Variants in KCNH7 observed in about 807,000 individuals in gnomAD.
The protein encoded by KCNH7 is voltage-gated inwardly rectifying potassium channel KCNH7.
Under a neutral mutation model 120.8 loss-of-function variants are expected in KCNH7, and 49 were observed. The observed-to-expected ratio is 0.41, with a 90% confidence interval of 0.32 to 0.51. The LOEUF (loss-of-function observed/expected upper bound fraction) is 0.51. Ranked by LOEUF, KCNH7 falls within the 20% of genes least tolerant of loss-of-function variation. The pLI is 0.38. For synonymous variants in KCNH7, 547 were observed against 516.1 expected (o/e 1.06, Z -0.81); for missense variants, 1,097 against 1,446.6 (o/e 0.76, Z 3.92).
chr2:162,461,461 A>T (rs1342931532), intron 6 of KCNH7, among the ~76,000 whole-genome samples: 1 of 152,232 alleles, frequency 6.6e-6, no homozygotes, highest in African/African-American at 2.4e-5. Context: ...TACTATCATA[A>T]TAATACATTT....
At chr2:162,785,249 T>C (rs1332863941) in intron 2 of KCNH7, 4 of 152,250 alleles carry the variant, frequency 2.6e-5, no homozygotes. Flanking sequence ...AAATATTAGC[T>C]TGTCATCAAA....
chr2:162,384,644 A>G, intron 13 of KCNH7, 44 bp downstream of exon 13: 1 of 1,582,660 alleles, frequency 6.3e-7, no homozygotes, highest in South Asian at 1.1e-5. Context: ...CCATTTTGTG[A>G]TTAGCACTGA....
intron 2 of KCNH7, among the ~76,000 whole-genome samples, chr2:162,601,188 T>C (rs979568174): frequency 6.6e-5 from 10 of 152,032 alleles, no homozygotes; most frequent in African/African-American, 2.4e-4. Flanking sequence ...ATGCTCCAGT[T>C]TATGAAAGTC....
At chr2:162,376,613 C>G (rs796582994) in intron 14 of KCNH7, among the ~76,000 whole-genome samples, 1 of 152,044 alleles carries the variant, frequency 6.6e-6, no homozygotes. Context: ...CTACCTGCCT[C>G]GGCCTTTCAA....
At chr2:162,659,737 T>G (rs931915435) in intron 2 of KCNH7, among the ~76,000 whole-genome samples, 2 of 152,196 alleles carry the variant, frequency 1.3e-5, no homozygotes, top group Non-Finnish European at 1.5e-5. Context: ...AAGATATTGG[T>G]CTCTAGTTTT....
intron 2 of KCNH7, among the ~76,000 whole-genome samples, chr2:162,726,770 C>G (rs1291716448): frequency 6.6e-6 from 1 of 152,078 alleles, no homozygotes; most frequent in Admixed American, 6.6e-5. Flanking sequence ...GTGTGGAAGG[C>G]TTTTCAATTG....
intron 2 of KCNH7, among the ~76,000 whole-genome samples, chr2:162,626,008 G>A (rs193004592): frequency 6.6e-6 from 1 of 152,232 alleles, no homozygotes; most frequent in East Asian, 1.9e-4. Flanking sequence ...GGACTTAGGG[G>A]CAGCTAGTTA....
At chr2:162,668,806 T>C (rs1685239453) in intron 2 of KCNH7, among the ~76,000 whole-genome samples, 1 of 152,186 alleles carries the variant, frequency 6.6e-6, no homozygotes, top group Admixed American at 6.5e-5. Flanking sequence ...GAGACAACTA[T>C]AATTATTTTG....
At chr2:162,739,532 G>C (rs568392349) in intron 2 of KCNH7, among the ~76,000 whole-genome samples, 32 of 152,226 alleles carry the variant, frequency 2.1e-4, no homozygotes, top group Admixed American at 2.1e-3. Context: ...CTGAGCTGTT[G>C]CTGGCCTCTG....
intron 8 of KCNH7, among the ~76,000 whole-genome samples, chr2:162,431,286 T>G (rs1688057614): frequency 1.3e-5 from 2 of 152,030 alleles, no homozygotes; most frequent in South Asian, 2.1e-4. Flanking sequence ...ATAACCACAA[T>G]AGTTGTAATT....
intron 14 of KCNH7, among the ~76,000 whole-genome samples, chr2:162,377,680 TA>T (rs1686256265): frequency 6.6e-6 from 1 of 152,146 alleles, no homozygotes; most frequent in Non-Finnish European, 1.5e-5. Flanking sequence ...TTATCAGGCA[TA>T]CATCCCTCTC....
In KCNH7 at chr2:162,385,001, T is replaced by C. The variant is rs951159106; in HGVS notation, c.2711-62A>G. 1.3e-5 allele frequency: 17 copies of C among 1,325,076 alleles called. No individual in the cohort carries two copies. The African/African-American group carries it at 1.8e-4, about 14-fold the overall frequency. 82.1% of individuals were successfully genotyped at this position (1,325,076 alleles called of 1,614,324 possible). A position where few individuals can be genotyped will look rare whatever the true frequency, so the allele number is the denominator to read the frequency against. On this transcript the variant is annotated intron_variant, in intron 12 of 15. Coordinates refer to ENST00000332142, the MANE Select transcript of KCNH7 (RefSeq NM_033272.4). ...GCAGACAATTAAATGTGAGACGGTA[T>C]GCATATTACACTACCTAGCTATATA...
intron 3 of KCNH7, among the ~76,000 whole-genome samples, chr2:162,523,897 G>T (rs2105798268): frequency 6.6e-6 from 1 of 151,878 alleles, no homozygotes; most frequent in Non-Finnish European, 1.5e-5. Flanking sequence ...ATTCCTGCTT[G>T]GTTCTGCTAG....
chr2:162,561,053 T>G (rs1248149778), intron 2 of KCNH7, among the ~76,000 whole-genome samples: 1 of 22,106 alleles, frequency 4.5e-5, no homozygotes, highest in Non-Finnish European at 6.6e-5. Flanking sequence ...TGAAATAACC[T>G]TTTTTTTTTT....
At chr2:162,430,417 C>T (rs1477096658) in intron 8 of KCNH7, among the ~76,000 whole-genome samples, 1 of 152,080 alleles carries the variant, frequency 6.6e-6, no homozygotes, top group African/African-American at 2.4e-5. Context: ...AACTACATCT[C>T]CTGTTGCCTG....
chr2:162,611,529 G>A (rs7558614), intron 2 of KCNH7, among the ~76,000 whole-genome samples: 80,255 of 151,962 alleles, frequency 0.53, 21,571 homozygotes, highest in Middle Eastern at 0.62. Context: ...TACACAGAGT[G>A]AACATTACTT....
chr2:162,496,880 T>A (rs181606505), intron 6 of KCNH7: 1 of 152,324 alleles, frequency 6.6e-6, no homozygotes, highest in East Asian at 1.9e-4. Context: ...AATTCAGGAC[T>A]AAATTTATCC....
At chr2:162,768,025 T>G (rs1177947397) in intron 2 of KCNH7, among the ~76,000 whole-genome samples, 1 of 152,154 alleles carries the variant, frequency 6.6e-6, no homozygotes, top group Non-Finnish European at 1.5e-5. Flanking sequence ...AAGAAAATAT[T>G]TAAGAGAAAT....
chr2:162,424,987 C>T (rs1314177564), intron 8 of KCNH7, among the ~76,000 whole-genome samples: 1 of 152,120 alleles, frequency 6.6e-6, no homozygotes, highest in Non-Finnish European at 1.5e-5. Flanking sequence ...GTTCAGTAAA[C>T]AAGTAAAGCA....
Sources: allele counts gnomAD v4.1 joint callset (sites outside exome capture counted in the v4.1 genomes callset), GRCh38; gene constraint gnomAD v4.1.1; transcripts MANE v1.5; gene names NCBI Gene and HGNC (gene_info 2026-07-23, HGNC 2026-07-21).